Variants in GABRA1 observed in about 807,000 individuals in gnomAD.
The protein encoded by GABRA1 is gamma-aminobutyric acid receptor subunit alpha-1.
Under a neutral mutation model 48.9 loss-of-function variants are expected in GABRA1, and 9 were observed. The observed-to-expected ratio is 0.18, with a 90% CI of 0.11 to 0.32. The LOEUF is 0.32. Ranked by LOEUF, GABRA1 falls within the 10% of genes least tolerant of loss-of-function variation. The probability of loss-of-function intolerance (pLI) is 1.00; values close to 1 mark genes in which losing one functional copy is unlikely to be tolerated. For synonymous variants in GABRA1, 210 were observed against 198.7 expected, an observed-to-expected ratio of 1.06 and a Z score of -0.48; for missense variants, 285 against 553.8, an observed-to-expected ratio of 0.51 and a Z score of 4.87.
At chr5:161,875,721 C>A (rs1377675586) in intron 6 of GABRA1, 79 bp downstream of exon 6, 3 of 1,089,964 alleles carry the variant, frequency 2.8e-6, no homozygotes, top group East Asian at 2.4e-5. Flanking sequence ...GAGAAAAACG[C>A]GTAGATAAGG....
intron 7 of GABRA1, among the ~76,000 whole-genome samples, chr5:161,886,169 A>G (rs4259206): frequency 0.51 from 78,042 of 151,884 alleles, 20,867 homozygotes; most frequent in East Asian, 0.65. Flanking sequence ...CTGGGTTGTC[A>G]ACCTGCAGGG....
At chr5:161,865,960 T>TG (rs1477975989) in intron 4 of GABRA1, among the ~76,000 whole-genome samples, 172 bp downstream of exon 4, 28 of 152,070 alleles carry the variant, frequency 1.8e-4, no homozygotes, top group Non-Finnish European at 2.8e-4. Flanking sequence ...AATAGAAAAA[T>TG]ACTCATTTGC....
intron 1 of GABRA1, among the ~76,000 whole-genome samples, chr5:161,849,914 A>G (rs968848533): frequency 6.6e-6 from 1 of 152,158 alleles, no homozygotes; most frequent in African/African-American, 2.4e-5. Context: ...AAATTCAACA[A>G]TCAGATGGTG....
chr5:161,879,885 G>A (rs778729521), intron 6 of GABRA1, among the ~76,000 whole-genome samples: 6 of 152,088 alleles, frequency 3.9e-5, no homozygotes, highest in East Asian at 3.9e-4. Flanking sequence ...TAGCAGCTCC[G>A]TAACAACACA....
At chr5:161,851,072 G>A (rs1757428983) in intron 2 of GABRA1, among the ~76,000 whole-genome samples, 188 bp downstream of exon 2, 1 of 152,138 alleles carries the variant, frequency 6.6e-6, no homozygotes, top group South Asian at 2.1e-4. Flanking sequence ...ACGTTAGTTA[G>A]AATACAATTA....
chr5:161,879,664 A>G (rs1027991658), intron 6 of GABRA1, among the ~76,000 whole-genome samples: 13 of 152,254 alleles, frequency 8.5e-5, no homozygotes, highest in South Asian at 2.1e-4. Flanking sequence ...AACTTGCATC[A>G]GGTGAATCTA....
intron 8 of GABRA1, among the ~76,000 whole-genome samples, chr5:161,894,069 G>A (rs1199453296): frequency 2.0e-5 from 3 of 152,120 alleles, no homozygotes; most frequent in Admixed American, 2.0e-4. Context: ...ATTTATTGTA[G>A]TAGGGATTTA....
At chr5:161,892,670 A>AAAACAAACAAACAAAC (rs3078109) in intron 8 of GABRA1, among the ~76,000 whole-genome samples, 1 of 150,750 alleles carries the variant, frequency 6.6e-6, no homozygotes, top group African/African-American at 2.4e-5. Context: ...CTAGGAAATT[A>AAAACAAACAAACAAAC]AAACAAACAA....
At chr5:161,867,601 C>T (rs1236812750) in intron 4 of GABRA1, among the ~76,000 whole-genome samples, 1 of 152,042 alleles carries the variant, frequency 6.6e-6, no homozygotes, top group African/African-American at 2.4e-5. Flanking sequence ...ATGAGATGTG[C>T]AAATAAAGTG....
intron 5 of GABRA1, among the ~76,000 whole-genome samples, chr5:161,873,830 T>C (rs535641346): frequency 6.6e-6 from 1 of 152,300 alleles, no homozygotes; most frequent in African/African-American, 2.4e-5. Flanking sequence ...ATAGATACTA[T>C]TAATTTTGCT....
At position 161,882,603 on chromosome 5, in the gene GABRA1, C is replaced by T. The variant is rs1442004290; in HGVS notation, c.605C>T (p.Pro202Leu). 2 of 1,613,252 alleles carry T rather than the reference C, an allele frequency of 1.2e-6. No homozygotes were observed. The highest frequency in any genetic ancestry group is 1.7e-6 in the Non-Finnish European group (2 of 1,179,524). ...AEVVYEWTRE[P>L]ARSVVVAEDG... ...GTTGTTTATGAATGGACCAGAGAGC[C>T]AGCACGCTCAGTGGTTGTAGCAGAA... The change falls in exon 7 of 10, where the codon CCA (proline) becomes CTA (leucine). Residue 202 changes from proline (P) to leucine (L), a missense_variant. Physicochemically the swap from Pro to Leu is moderately conservative, Grantham distance 98 (BLOSUM62 -3). Coordinates refer to ENST00000393943, the MANE Select transcript of GABRA1 (RefSeq NM_001127644.2).
chr5:161,896,474 A>G (rs1422173465), intron 9 of GABRA1, among the ~76,000 whole-genome samples: 3 of 152,154 alleles, frequency 2.0e-5, no homozygotes, highest in African/African-American at 7.2e-5. Context: ...GCTTCTCTCA[A>G]TTAGAACCTA....
chr5:161,891,061 A>T lies in GABRA1; in HGVS notation c.856+11A>T, dbSNP rs564871157. Reference sequence around the variant, plus strand: ...CAAGAACTGTCTTTGGTAAGTCCCAATCAAGATACATACGCAAGGAAGGGT... The same window carrying T: ...CAAGAACTGTCTTTGGTAAGTCCCATTCAAGATACATACGCAAGGAAGGGT... On this transcript the variant is annotated intron_variant, in intron 8 of 9. Transcript: ENST00000393943. 10 of 1,612,866 alleles carry T rather than the reference A, an allele frequency of 6.2e-6. No homozygotes were observed. Among genetic ancestry groups the T allele is most frequent in the Non-Finnish European group, 6.8e-6 (8 of 1,179,034 alleles).
intron 3 of GABRA1, among the ~76,000 whole-genome samples, chr5:161,862,404 A>AT (rs1171030809): frequency 6.6e-5 from 10 of 151,412 alleles, no homozygotes; most frequent in African/African-American, 1.2e-4. Context: ...CTTTTTTTTA[A>AT]TTTTTTTCCT....
intron 4 of GABRA1, 148 bp from the exon 5 acceptor site, chr5:161,872,969 T>C: frequency 2.9e-6 from 2 of 699,568 alleles, no homozygotes; most frequent in African/African-American, 1.8e-5. Flanking sequence ...CATCAACATG[T>C]ACATGCTATC....
At chr5:161,860,245 T>G (rs1280329831) in intron 3 of GABRA1, among the ~76,000 whole-genome samples, 1 of 151,844 alleles carries the variant, frequency 6.6e-6, no homozygotes, top group Non-Finnish European at 1.5e-5. Context: ...TTAGACAACT[T>G]GCTACTTTCA....
intron 6 of GABRA1, among the ~76,000 whole-genome samples, chr5:161,878,828 G>A (rs1245068101): frequency 6.6e-6 from 1 of 152,132 alleles, no homozygotes; most frequent in Non-Finnish European, 1.5e-5. Flanking sequence ...ATCTATTAAG[G>A]CCTTAATATA....
chr5:161,854,024 C>T, intron 2 of GABRA1, 134 bp from the exon 3 acceptor site: 4 of 522,256 alleles, frequency 7.7e-6, no homozygotes, highest in East Asian at 6.1e-5. Context: ...TCCTTTTTAC[C>T]TTGTGAAAAA....
At chr5:161,854,021 T>C in intron 2 of GABRA1, 137 bp from the exon 3 acceptor site, 1 of 542,052 alleles carries the variant, frequency 1.8e-6, no homozygotes, top group East Asian at 2.9e-5. Flanking sequence ...CATTCCTTTT[T>C]ACCTTGTGAA....
Sources: gnomAD v4.1 joint callset for allele counts (sites outside exome capture counted in the v4.1 genomes callset) on GRCh38, gnomAD v4.1.1 for gene constraint, MANE v1.5 for transcripts, NCBI Gene and HGNC (gene_info 2026-07-23, HGNC 2026-07-21) for gene names.